The following UVRAG variants were observed in gnomAD, a reference collection of about 807,000 sequenced individuals.
UVRAG encodes UV radiation resistance associated, also known as UV radiation resistance-associated gene protein.
In UVRAG, 19 loss-of-function variants were observed where a neutral mutation model predicts 78.0. That is an observed-to-expected ratio of 0.24 (90% confidence interval 0.17 to 0.36). UVRAG has a LOEUF of 0.36. Among genes scored for constraint, UVRAG ranks in the 10% least tolerant of loss-of-function variants. The probability of loss-of-function intolerance (pLI) is 1.00; values close to 1 mark genes in which losing one functional copy is unlikely to be tolerated. For synonymous variants in UVRAG, 323 were observed against 324.6 expected, an observed-to-expected ratio of 1.00 and a Z score of 0.05; for missense variants, 740 against 853.8, an observed-to-expected ratio of 0.87 and a Z score of 1.66.
intron 7 of UVRAG, among the ~76,000 whole-genome samples, chr11:75,963,715 AT>A (rs1818152178): frequency 6.6e-6 from 1 of 152,216 alleles, no homozygotes; most frequent in Admixed American, 6.5e-5. Context: ...ACTTTCAAAA[AT>A]TTGGCATCTT....
chr11:76,035,469 C>T lies in UVRAG; in HGVS notation c.1226+18489C>T, dbSNP rs1950515918. 1.3e-5 allele frequency among the ~76,000 whole-genome samples: 2 copies of T among 151,754 alleles called. 1 individual carries two copies. Among genetic ancestry groups the T allele is most frequent in the South Asian group, 4.2e-4 (2 of 4,802 alleles). ...TTGTATTATTTTAATTGGAAACTGCCCTGTTTTGTAGTATGCAATTTGGAA... is the reference window on the plus strand; with the variant it reads ...TTGTATTATTTTAATTGGAAACTGCTCTGTTTTGTAGTATGCAATTTGGAA... On this transcript the variant is annotated intron_variant, in intron 12 of 14. Coordinates refer to ENST00000356136, the MANE Select transcript of UVRAG (RefSeq NM_003369.4).
At chr11:76,100,161 G>C (rs1477027747) in intron 13 of UVRAG, among the ~76,000 whole-genome samples, 3 of 152,028 alleles carry the variant, frequency 2.0e-5, no homozygotes, top group Non-Finnish European at 4.4e-5. Flanking sequence ...AAATCTTCCA[G>C]AATATTTTAG....
chr11:75,947,355 A>AG (rs1948605426), intron 6 of UVRAG, among the ~76,000 whole-genome samples: 2 of 152,170 alleles, frequency 1.3e-5, no homozygotes, highest in Admixed American at 1.3e-4. Context: ...CTAATAACCA[A>AG]GAGAAGGGGA....
At chr11:75,871,858 A>G (rs991794315) in intron 3 of UVRAG, among the ~76,000 whole-genome samples, 27 of 152,184 alleles carry the variant, frequency 1.8e-4, no homozygotes, top group African/African-American at 4.6e-4. Flanking sequence ...GGTATTATCT[A>G]TCTTTCAAGT....
At chr11:75,890,684 A>G (rs986507738) in intron 5 of UVRAG, among the ~76,000 whole-genome samples, 2 of 152,198 alleles carry the variant, frequency 1.3e-5, no homozygotes, top group African/African-American at 2.4e-5. Context: ...GGACTAGGTT[A>G]GAAATATTTA....
At position 75,877,845 on chromosome 11, in the gene UVRAG, G is replaced by A. The variant is rs377243418; in HGVS notation, c.271-2034G>A. Reference sequence around the variant, plus strand: ...GCGCCCCTCACCTCCCGGACGGGGCGGCTGGCCGGGCGGGGGGCTGACCCC... The same window carrying A: ...GCGCCCCTCACCTCCCGGACGGGGCAGCTGGCCGGGCGGGGGGCTGACCCC... On this transcript the variant is annotated intron_variant, in intron 3 of 14. Transcript: ENST00000356136. 1.4e-3 allele frequency among the ~76,000 whole-genome samples: 197 copies of A among 142,394 alleles called. 2 individuals carry two copies. In the East Asian group the frequency reaches 0.024, roughly 17 times the overall value. 93.4% of individuals were successfully genotyped at this position (142,394 alleles called of 152,430 possible). A position where few individuals can be genotyped will look rare whatever the true frequency, so the allele number is the denominator to read the frequency against.
At chr11:75,838,749 T>C (rs1325430921) in intron 1 of UVRAG, among the ~76,000 whole-genome samples, 1 of 152,220 alleles carries the variant, frequency 6.6e-6, no homozygotes, top group Non-Finnish European at 1.5e-5. Context: ...AAAACTCATG[T>C]TGAAATTTAG....
intron 1 of UVRAG, among the ~76,000 whole-genome samples, chr11:75,819,955 C>T (rs558697877): frequency 1.9e-4 from 29 of 152,088 alleles, no homozygotes; most frequent in Non-Finnish European, 3.5e-4. Flanking sequence ...GCGACAAGAG[C>T]GAAACTGTCT....
At chr11:75,844,295 T>G (rs555281060) in intron 1 of UVRAG, among the ~76,000 whole-genome samples, 1 of 152,092 alleles carries the variant, frequency 6.6e-6, no homozygotes, top group South Asian at 2.1e-4. Flanking sequence ...TGGCACTATC[T>G]CGGCTCACTG....
intron 8 of UVRAG, among the ~76,000 whole-genome samples, chr11:75,995,647 C>G (rs1314849220): frequency 2.0e-5 from 3 of 151,880 alleles, no homozygotes; most frequent in Non-Finnish European, 4.4e-5. Context: ...TAAATTGATA[C>G]TTTAATTTCT....
rs913748524 is a variant in UVRAG at position 76,005,292 on chromosome 11, G to A, written c.911+1203G>A. Among the ~76,000 whole-genome samples, 3 of 152,184 alleles carry A rather than the reference G, an allele frequency of 2.0e-5. No homozygotes were observed. The South Asian group carries it at 6.2e-4, about 32-fold the overall frequency. On this transcript the variant is annotated intron_variant, in intron 9 of 14. Transcript: ENST00000356136. ...CGGGCGGTGGAGCTTGCAGTGAGCCGAGATGGCGCCACTGCACTCCAGTCT... is the reference window on the plus strand; with the variant it reads ...CGGGCGGTGGAGCTTGCAGTGAGCCAAGATGGCGCCACTGCACTCCAGTCT...
chr11:75,929,725 C>T (rs1053831834), intron 6 of UVRAG, among the ~76,000 whole-genome samples: 2 of 152,122 alleles, frequency 1.3e-5, no homozygotes, highest in South Asian at 2.1e-4. Flanking sequence ...ATCTTGCTCA[C>T]GGTAACAGCC....
intron 10 of UVRAG, among the ~76,000 whole-genome samples, chr11:76,007,871 CTTT>C (rs1318649468): frequency 6.6e-6 from 1 of 151,566 alleles, no homozygotes; most frequent in East Asian, 1.9e-4. Context: ...TTTTTGGTTT[CTTT>C]AGGATCTTTT....
Position 76,141,532 on chromosome 11 carries a change from G to A in UVRAG, c.*119G>A, listed in dbSNP as rs915753747. The A allele has an allele frequency of 5.9e-5, 61 of 1,036,758 alleles. No homozygotes were observed. In the African/African-American group the frequency reaches 6.4e-4, roughly 11 times the overall value. 64.2% of individuals were successfully genotyped at this position (1,036,758 alleles called of 1,614,324 possible). ...TGAATATTAATGGAGGATATTCCTC[G>A]GAAAAACAGACTTTGGGAATGAAGG... On this transcript the variant is annotated 3_prime_UTR_variant, in exon 15 of 15. Coordinates refer to ENST00000356136, the MANE Select transcript of UVRAG (RefSeq NM_003369.4).
At chr11:76,041,150 A>G (rs554824702) in intron 12 of UVRAG, among the ~76,000 whole-genome samples, 5 of 152,358 alleles carry the variant, frequency 3.3e-5, no homozygotes, top group South Asian at 4.1e-4. Context: ...AGGGTATTGT[A>G]TCAATCATGT....
chr11:76,131,896 G>A (rs532063073), intron 14 of UVRAG, among the ~76,000 whole-genome samples: 52 of 152,120 alleles, frequency 3.4e-4, no homozygotes, highest in African/African-American at 1.2e-3. Context: ...TCTGAGAGAG[G>A]GAAAGAAGAA....
At chr11:76,137,509 G>A in intron 14 of UVRAG, 1 of 453,778 alleles carries the variant, frequency 2.2e-6, no homozygotes, top group South Asian at 1.6e-5. Context: ...AACTAAAAAT[G>A]GAGGGAAAAA....
intron 7 of UVRAG, among the ~76,000 whole-genome samples, chr11:75,974,851 T>C (rs1429072572): frequency 6.6e-6 from 1 of 152,226 alleles, no homozygotes; most frequent in African/African-American, 2.4e-5. Context: ...GATGGTAGTT[T>C]CTTTTGCTGC....
chr11:76,007,148 G>A (rs1949959822), intron 9 of UVRAG, among the ~76,000 whole-genome samples: 1 of 148,656 alleles, frequency 6.7e-6, no homozygotes, highest in South Asian at 2.1e-4. Context: ...AAGTAGCTGG[G>A]ACCGCAGGCA....
Sources: gnomAD v4.1 joint callset for allele counts (sites outside exome capture counted in the v4.1 genomes callset) on GRCh38, gnomAD v4.1.1 for gene constraint, MANE v1.5 for transcripts, NCBI Gene and HGNC (gene_info 2026-07-23, HGNC 2026-07-21) for gene names.